DAP3: variants seen among roughly 807,000 people sequenced by gnomAD.
DAP3 encodes small ribosomal subunit protein mS29.
Under a neutral mutation model 51.9 loss-of-function variants are expected in DAP3, and 28 were observed. The ratio of observed to expected loss-of-function variants is 0.54; its 90% confidence interval spans 0.40 to 0.74. The LOEUF (loss-of-function observed/expected upper bound fraction) is 0.74. DAP3 is among the 30% of genes least tolerant of loss of function. The pLI is 0.00. For missense variants in DAP3, 458 were observed against 483.5 expected (o/e 0.95, Z 0.49); for synonymous variants, 170 against 170.3 (o/e 1.00, Z 0.01).
At chr1:155,713,822 G>T (rs563802735) in intron 2 of DAP3, among the ~76,000 whole-genome samples, 1 of 152,104 alleles carries the variant, frequency 6.6e-6, no homozygotes, top group East Asian at 1.9e-4. Context: ...GGATTTCTAG[G>T]TTTAAAACTA....
At chr1:155,736,776 T>C in intron 11 of DAP3, 170 bp from the exon 12 acceptor site, 1 of 644,396 alleles carries the variant, frequency 1.6e-6, no homozygotes, top group Non-Finnish European at 2.8e-6. Context: ...AGCCACCATA[T>C]GTGGAGTCCA....
chr1:155,692,809 A>T (rs1450148076), intron 1 of DAP3, among the ~76,000 whole-genome samples: 1 of 142,170 alleles, frequency 7.0e-6, no homozygotes. Context: ...TAAGCTTATT[A>T]TACGATCTCT....
intron 1 of DAP3, among the ~76,000 whole-genome samples, chr1:155,695,533 G>T (rs576185882): frequency 2.0e-5 from 3 of 152,196 alleles, no homozygotes; most frequent in Non-Finnish European, 2.9e-5. Flanking sequence ...CCTCAGTCAA[G>T]GGTCCTGGAA....
At chr1:155,734,518 A>G (rs1044636750) in intron 11 of DAP3, among the ~76,000 whole-genome samples, 1 of 152,048 alleles carries the variant, frequency 6.6e-6, no homozygotes, top group African/African-American at 2.4e-5. Context: ...TGTCATGAGA[A>G]TATGTTCCAG....
At chr1:155,730,466 G>T (rs551225750) in intron 9 of DAP3, among the ~76,000 whole-genome samples, 29 of 151,964 alleles carry the variant, frequency 1.9e-4, no homozygotes, top group Non-Finnish European at 3.8e-4. Context: ...TAAAAAACTA[G>T]CTGGGCATGG....
At chr1:155,723,953 C>T (rs909900849) in intron 4 of DAP3, among the ~76,000 whole-genome samples, 1 of 151,500 alleles carries the variant, frequency 6.6e-6, no homozygotes, top group Non-Finnish European at 1.5e-5. Flanking sequence ...GCAGGAGAAT[C>T]GCTTGAACCC....
At chr1:155,698,690 C>T (rs560453216) in intron 1 of DAP3, among the ~76,000 whole-genome samples, 3 of 152,192 alleles carry the variant, frequency 2.0e-5, no homozygotes, top group Admixed American at 6.5e-5. Context: ...TTCTCTGTTC[C>T]GGGAACCAAG....
intron 1 of DAP3, among the ~76,000 whole-genome samples, chr1:155,706,644 G>A (rs1656010915): frequency 6.6e-6 from 1 of 151,430 alleles, no homozygotes; most frequent in Admixed American, 6.6e-5. Context: ...GTGTATGCCT[G>A]TAGTCCCAGC....
At chr1:155,730,230 T>TGTATATATGTATATATAC (rs1659091419) in intron 9 of DAP3, among the ~76,000 whole-genome samples, 1 of 148,762 alleles carries the variant, frequency 6.7e-6, no homozygotes, top group Non-Finnish European at 1.5e-5. Flanking sequence ...TATTCATATA[T>TGTATATATGTATATATAC]GTATATATGT....
rs1001669542 is a variant in DAP3 at position 155,728,949 on chromosome 1, G to A, written c.604-93G>A. The A allele has an allele frequency of 3.3e-6, 4 of 1,226,398 alleles. No individual in the cohort carries two copies. In the African/African-American group the frequency reaches 6.1e-5, roughly 19 times the overall value. The allele number at this position is 1,226,398 out of a possible 1,614,324, so 76.0% of individuals were successfully genotyped here. On this transcript the variant is annotated intron_variant, in intron 7 of 12. Transcript: ENST00000368336. ...GAACAATAGATTAAAATGAACTCCTGTTAACCTTAGCCTCCAACCTTTTCA... is the reference window on the plus strand; with the variant it reads ...GAACAATAGATTAAAATGAACTCCTATTAACCTTAGCCTCCAACCTTTTCA...
At chr1:155,709,451 T>A (rs138408360) in intron 1 of DAP3, among the ~76,000 whole-genome samples, 85 of 152,300 alleles carry the variant, frequency 5.6e-4, no homozygotes, top group African/African-American at 2.0e-3. Context: ...TGAGCCACTG[T>A]GTCCCGCCTG....
rs1471502421 is a variant in DAP3 at position 155,736,970 on chromosome 1, T to C, written c.1018T>C (p.Phe340Leu). 1 of 1,614,076 alleles carries C rather than the reference T, an allele frequency of 6.2e-7. No individual in the cohort carries two copies. Among genetic ancestry groups the C allele is most frequent in the East Asian group, 2.2e-5 (1 of 44,874 alleles). ...GGAAGGATTTGATGCCCTGGATCCC[T>C]TTATTCCCATCCTGGTTTCCAACTA... ...GKEGFDALDP[F>L]IPILVSNYNP... The change falls in exon 12 of 13, where the codon TTT becomes CTT. Residue 340 changes from phenylalanine (F) to leucine (L), a missense_variant. Coordinates refer to ENST00000368336, the MANE Select transcript of DAP3 (RefSeq NM_004632.4).
intron 1 of DAP3, among the ~76,000 whole-genome samples, chr1:155,707,385 C>T (rs1571471299): frequency 6.6e-6 from 1 of 151,070 alleles, no homozygotes; most frequent in African/African-American, 2.4e-5. Context: ...TGCACTCCAG[C>T]CTGGGTGACA....
At chr1:155,688,982 C>G (rs1653231343), upstream of DAP3, 1 of 1,606,824 alleles carries the variant, frequency 6.2e-7, no homozygotes, top group Non-Finnish European at 8.5e-7. Flanking sequence ...TCCATGGGAC[C>G]GCGGCGAGGG....
chr1:155,688,808 C>A, upstream of DAP3: 1 of 1,558,192 alleles, frequency 6.4e-7, no homozygotes, highest in Non-Finnish European at 8.7e-7. Context: ...CAGTCCCCAC[C>A]GCGGGACTGT....
At chr1:155,703,415 G>A (rs544819945) in intron 1 of DAP3, among the ~76,000 whole-genome samples, 3 of 152,290 alleles carry the variant, frequency 2.0e-5, no homozygotes, top group South Asian at 4.1e-4. Flanking sequence ...CACATGAACG[G>A]TATGGGGAAA....
In DAP3 at chr1:155,714,353, C is replaced by T. The variant is rs909634909; in HGVS notation, c.46-2653C>T. Among the ~76,000 whole-genome samples the T allele has an allele frequency of 3.9e-5, 6 of 152,224 alleles. No individual in the cohort carries two copies. In the South Asian group the frequency reaches 6.2e-4, roughly 16 times the overall value. On this transcript the variant is annotated intron_variant, in intron 2 of 12. Coordinates refer to ENST00000368336, the MANE Select transcript of DAP3 (RefSeq NM_004632.4). ...TAGCTGGGACTACAGGAGTGGACCA[C>T]CACACCTGGCTCCATCCAAGCTTTT...
chr1:155,731,777 G>T (rs1386612377), intron 10 of DAP3, among the ~76,000 whole-genome samples, 167 bp from the exon 11 acceptor site: 1 of 152,078 alleles, frequency 6.6e-6, no homozygotes, highest in Admixed American at 6.6e-5. Context: ...GCAGTTTATT[G>T]TCAGAGCCAA....
intron 7 of DAP3, among the ~76,000 whole-genome samples, chr1:155,728,041 C>T (rs2149190747): frequency 6.6e-6 from 1 of 152,052 alleles, no homozygotes; most frequent in Middle Eastern, 3.4e-3. Flanking sequence ...ACATGATTTT[C>T]TCCAGACAAT....
Sources: allele counts gnomAD v4.1 joint callset (sites outside exome capture counted in the v4.1 genomes callset), GRCh38; gene constraint gnomAD v4.1.1; transcripts MANE v1.5; gene names NCBI Gene and HGNC (gene_info 2026-07-23, HGNC 2026-07-21).